SNX29: variants seen among roughly 807,000 people sequenced by gnomAD.
SNX29 encodes sorting nexin 29.
In SNX29, 78 loss-of-function variants were observed where a neutral mutation model predicts 102.1. The observed-to-expected ratio is 0.76, with a 90% confidence interval of 0.64 to 0.92. The LOEUF (loss-of-function observed/expected upper bound fraction) is 0.92. Among genes scored for constraint, SNX29 ranks in the 40% least tolerant of loss-of-function variants. The pLI is 0.00. For synonymous variants in SNX29, 580 were observed against 414.5 expected, an observed-to-expected ratio of 1.40 and a Z score of -4.85; for missense variants, 1,280 against 1,061.7, an observed-to-expected ratio of 1.21 and a Z score of -2.86.
chr16:12,351,149 G>A (rs1055222562), intron 15 of SNX29, among the ~76,000 whole-genome samples: 4 of 152,182 alleles, frequency 2.6e-5, no homozygotes, highest in African/African-American at 9.6e-5. Flanking sequence ...GCCCTGCAGG[G>A]GGATTGTAGG....
At chr16:12,236,196 A>C (rs568468217) in intron 14 of SNX29, among the ~76,000 whole-genome samples, 2 of 152,286 alleles carry the variant, frequency 1.3e-5, no homozygotes, top group Non-Finnish European at 2.9e-5. Flanking sequence ...TTGCCCCAAC[A>C]GTTAATACAT....
chr16:12,368,612 C>A (rs1158816243), intron 16 of SNX29, among the ~76,000 whole-genome samples: 1 of 152,188 alleles, frequency 6.6e-6, no homozygotes, highest in East Asian at 1.9e-4. Context: ...GGTTATTTGG[C>A]ATGGAGACAG....
chr16:12,526,064 C>T (rs1034682817), intron 20 of SNX29, among the ~76,000 whole-genome samples: 18 of 152,258 alleles, frequency 1.2e-4, no homozygotes, highest in African/African-American at 2.4e-4. Context: ...AAAATCTTAC[C>T]GTGATAGAAA....
chr16:12,474,704 A>G (rs998847102), intron 18 of SNX29, among the ~76,000 whole-genome samples: 8 of 152,244 alleles, frequency 5.3e-5, no homozygotes, highest in Non-Finnish European at 1.2e-4. Context: ...ATGGCAATTT[A>G]TCATTGGAGG....
At chr16:12,289,831 G>T (rs2079732265) in intron 15 of SNX29, among the ~76,000 whole-genome samples, 1 of 152,072 alleles carries the variant, frequency 6.6e-6, no homozygotes, top group Admixed American at 6.5e-5. Flanking sequence ...CCCAGAAGGA[G>T]TCGTGTGGCC....
chr16:12,122,578 G>T (rs111891315), intron 11 of SNX29, among the ~76,000 whole-genome samples: 1 of 152,074 alleles, frequency 6.6e-6, no homozygotes, highest in Non-Finnish European at 1.5e-5. Flanking sequence ...ACAGAGGCAC[G>T]AGAGAAGGAG....
At chr16:12,559,667 C>G (rs1178171195) in intron 20 of SNX29, among the ~76,000 whole-genome samples, 3 of 152,070 alleles carry the variant, frequency 2.0e-5, no homozygotes. Flanking sequence ...GCTTCTCTAC[C>G]ATGGGCCTGG....
At chr16:12,311,237 C>A (rs1194019657) in intron 15 of SNX29, among the ~76,000 whole-genome samples, 3 of 152,138 alleles carry the variant, frequency 2.0e-5, no homozygotes, top group Admixed American at 2.0e-4. Flanking sequence ...TCTTTCTAAC[C>A]TTTCAGTGCC....
intron 13 of SNX29, among the ~76,000 whole-genome samples, chr16:12,145,436 C>T (rs1364048973): frequency 6.6e-6 from 1 of 151,826 alleles, no homozygotes; most frequent in Non-Finnish European, 1.5e-5. Context: ...GATTTTTTTT[C>T]CCTGTTCATA....
At chr16:12,284,669 ACT>A (rs1406796003) in intron 15 of SNX29, among the ~76,000 whole-genome samples, 1 of 150,726 alleles carries the variant, frequency 6.6e-6, no homozygotes, top group East Asian at 1.9e-4. Flanking sequence ...GTCTGATAAG[ACT>A]CTAATTGTTT....
At chr16:12,566,403 C>CA (rs1350143044) in intron 20 of SNX29, among the ~76,000 whole-genome samples, 2 of 126,386 alleles carry the variant, frequency 1.6e-5, no homozygotes, top group African/African-American at 6.4e-5. Flanking sequence ...CAGGCACTCT[C>CA]AGAGCCTGTT....
intron 14 of SNX29, among the ~76,000 whole-genome samples, chr16:12,220,384 A>G (rs1385652329): frequency 1.3e-5 from 2 of 152,006 alleles, no homozygotes; most frequent in African/African-American, 4.8e-5. Context: ...CTGGGAGGTT[A>G]GGGGCCTGCA....
intron 20 of SNX29, among the ~76,000 whole-genome samples, chr16:12,562,214 G>C (rs967267239): frequency 1.3e-5 from 2 of 152,106 alleles, no homozygotes; most frequent in Admixed American, 1.3e-4. Context: ...AACCCTGCTG[G>C]AGGTGGCCAA....
At position 12,023,755 on chromosome 16, in the gene SNX29, C is replaced by G. The variant is rs560796555; in HGVS notation, c.123-3565C>G. Among the ~76,000 whole-genome samples the G allele has an allele frequency of 3.9e-5, 6 of 152,240 alleles. No individual in the cohort carries two copies. The South Asian group carries it at 1.2e-3, about 32-fold the overall frequency. On this transcript the variant is annotated intron_variant, in intron 3 of 20. Transcript: ENST00000566228. ...AGCCTTAGTGTGACCTCGTGTATGACATAGTGCTTCCAAGATGTGTCCACC... is the reference window on the plus strand; with the variant it reads ...AGCCTTAGTGTGACCTCGTGTATGAGATAGTGCTTCCAAGATGTGTCCACC...
chr16:12,314,417 C>T (rs1287508250), intron 15 of SNX29, among the ~76,000 whole-genome samples: 2 of 152,228 alleles, frequency 1.3e-5, no homozygotes, highest in African/African-American at 4.8e-5. Flanking sequence ...TGGAGCCAGA[C>T]AGCTCAGGCT....
At chr16:11,979,783 T>C (rs1051298517) in intron 1 of SNX29, among the ~76,000 whole-genome samples, 1 of 151,952 alleles carries the variant, frequency 6.6e-6, no homozygotes, top group African/African-American at 2.4e-5. Context: ...GGAGTTTCGC[T>C]GTGTTGGCCA....
chr16:12,031,097 A>T (rs137944429), intron 4 of SNX29, among the ~76,000 whole-genome samples: 3 of 151,544 alleles, frequency 2.0e-5, no homozygotes, highest in Non-Finnish European at 4.4e-5. Context: ...TTCTGAGACA[A>T]TGTCTTGCTC....
At chr16:12,527,899 A>T (rs2141155625) in intron 20 of SNX29, among the ~76,000 whole-genome samples, 1 of 144,058 alleles carries the variant, frequency 6.9e-6, no homozygotes, top group Non-Finnish European at 1.5e-5. Flanking sequence ...ATCTCGGCTC[A>T]CTGTAAGCTC....
chr16:12,330,264 G>A (rs1377884842), intron 15 of SNX29, among the ~76,000 whole-genome samples: 3 of 152,136 alleles, frequency 2.0e-5, no homozygotes, highest in Non-Finnish European at 2.9e-5. Flanking sequence ...TTCCTCACCT[G>A]GCGACCAGCC....
Sources: gnomAD v4.1 joint callset for allele counts (sites outside exome capture counted in the v4.1 genomes callset) on GRCh38, gnomAD v4.1.1 for gene constraint, MANE v1.5 for transcripts, NCBI Gene and HGNC (gene_info 2026-07-23, HGNC 2026-07-21) for gene names.